Variants in APOOL observed in about 807,000 individuals in gnomAD.
APOOL encodes the protein MICOS complex subunit MIC27.
APOOL carries 12 observed loss-of-function variants against 23.1 expected under a neutral mutation model. That is an observed-to-expected ratio of 0.52 (90% confidence interval 0.33 to 0.84). The LOEUF (loss-of-function observed/expected upper bound fraction) is 0.84. Among genes scored for constraint, APOOL ranks in the 40% least tolerant of loss-of-function variants. The pLI is 0.02. For missense variants in APOOL, 212 were observed against 199.6 expected (o/e 1.06, Z -0.37); for synonymous variants, 77 against 69.9 (o/e 1.10, Z -0.51).
At chrX:85,082,210 C>A (rs1172351130) in intron 8 of APOOL, among the ~76,000 whole-genome samples, 3 of 111,888 alleles carry the variant, frequency 2.7e-5, no homozygotes, top group Admixed American at 9.5e-5. Context: ...ACTCTGGTTT[C>A]TCCCCATCTT....
At chrX:85,071,029 C>A (rs1230345431) in intron 6 of APOOL, among the ~76,000 whole-genome samples, 3 of 111,388 alleles carry the variant, frequency 2.7e-5, no homozygotes, top group Non-Finnish European at 5.6e-5. Context: ...GCATGGATAA[C>A]CCAGAGGACA....
intron 2 of APOOL, among the ~76,000 whole-genome samples, chrX:85,048,006 G>A (rs1223928582): frequency 1.8e-5 from 2 of 111,301 alleles, no homozygotes; most frequent in Admixed American, 9.6e-5. Flanking sequence ...ATTGTAATCA[G>A]TACTTGTTGA....
intron 5 of APOOL, among the ~76,000 whole-genome samples, chrX:85,064,462 T>C (rs1923372742): frequency 9.1e-6 from 1 of 109,400 alleles, no homozygotes; most frequent in Non-Finnish European, 1.9e-5. Context: ...GTTATTTTAG[T>C]TGTCATGTTA....
At chrX:85,060,913 C>G (rs1489212667) in intron 5 of APOOL, among the ~76,000 whole-genome samples, 2 of 111,270 alleles carry the variant, frequency 1.8e-5, no homozygotes, top group African/African-American at 6.6e-5. Context: ...ACTTCCAACA[C>G]TGTGTTGAAC....
chrX:85,074,481 C>G, intron 8 of APOOL, 90 bp downstream of exon 8: 1 of 1,006,980 alleles, frequency 9.9e-7, no homozygotes, highest in Admixed American at 2.9e-5. Flanking sequence ...AAGATGTGTT[C>G]TCCCCATAAA....
chrX:85,014,561 C>T (rs1398796924), intron 1 of APOOL, among the ~76,000 whole-genome samples: 3 of 54,747 alleles, frequency 5.5e-5, no homozygotes, highest in African/African-American at 1.6e-4. Flanking sequence ...ACGACTTTAT[C>T]TCTCCTTTAT....
chrX:85,017,747 C>T (rs1050270189), intron 1 of APOOL, among the ~76,000 whole-genome samples: 2 of 111,349 alleles, frequency 1.8e-5, no homozygotes, highest in East Asian at 5.7e-4. Context: ...ATATTTCATG[C>T]GGCTCCTGAA....
At chrX:85,068,455 G>C (rs1923548150) in intron 6 of APOOL, among the ~76,000 whole-genome samples, 1 of 102,694 alleles carries the variant, frequency 9.7e-6, no homozygotes, top group Admixed American at 1.1e-4. Context: ...ACCCAGGCTG[G>C]AGTGCAATGG....
At chrX:85,024,012 G>T (rs1314931377) in intron 1 of APOOL, among the ~76,000 whole-genome samples, 1 of 111,820 alleles carries the variant, frequency 8.9e-6, no homozygotes, top group African/African-American at 3.3e-5. Context: ...CTTACTCGGT[G>T]AAGTCTATTT....
intron 2 of APOOL, among the ~76,000 whole-genome samples, chrX:85,047,951 A>G (rs188744973): frequency 9.0e-6 from 1 of 111,415 alleles, no homozygotes; most frequent in African/African-American, 3.2e-5. Context: ...TAAATGTAAA[A>G]TTTTCATAAA....
At chrX:85,049,326 C>T (rs745329433) in intron 2 of APOOL, among the ~76,000 whole-genome samples, 20 of 111,568 alleles carry the variant, frequency 1.8e-4, no homozygotes, top group African/African-American at 6.2e-4. Context: ...GAAATCCTAT[C>T]ATCATAAACG....
Position 85,090,989 on chromosome X carries a change from C to T in APOOL, c.*3311C>T, listed in dbSNP as rs1321537402. On this transcript the variant is annotated 3_prime_UTR_variant, in exon 9 of 9. Transcript: ENST00000373173. ...GTATGGTGGCTCACACCTATAATCC[C>T]AGCACTTTGGGAGGCCAAGGTGGGT... 2 of 112,157 alleles carry T rather than the reference C, an allele frequency of 1.8e-5. No individual in the cohort carries two copies. Among genetic ancestry groups the T allele is most frequent in the African/African-American group, 3.2e-5 (1 of 30,833 alleles). 9.2% of individuals were successfully genotyped at this position (112,157 alleles called of 1,213,427 possible). A position where few individuals can be genotyped will look rare whatever the true frequency, so the allele number is the denominator to read the frequency against.
intron 1 of APOOL, among the ~76,000 whole-genome samples, chrX:85,021,754 A>G (rs966760995): frequency 8.9e-5 from 10 of 112,158 alleles, no homozygotes; most frequent in African/African-American, 3.2e-4. Flanking sequence ...AATAATAAAG[A>G]TCAGAGCACA....
intron 1 of APOOL, among the ~76,000 whole-genome samples, chrX:85,016,012 G>A (rs187958952): frequency 1.4e-3 from 151 of 110,853 alleles, no homozygotes; most frequent in African/African-American, 4.6e-3. Context: ...TGTGGTGTGT[G>A]GGTGAGTTCA....
chrX:85,022,308 C>A (rs1338334645), intron 1 of APOOL, among the ~76,000 whole-genome samples: 1 of 112,016 alleles, frequency 8.9e-6, no homozygotes, highest in Non-Finnish European at 1.9e-5. Flanking sequence ...GGTCAGTATT[C>A]CTGATGAACT....
intron 8 of APOOL, among the ~76,000 whole-genome samples, chrX:85,083,676 A>G (rs1924189721): frequency 8.9e-6 from 1 of 111,955 alleles, no homozygotes; most frequent in Non-Finnish European, 1.9e-5. Context: ...TTTTATATAC[A>G]AGAAACCAAA....
chrX:85,038,858 C>CT (rs959099046), intron 1 of APOOL, among the ~76,000 whole-genome samples: 2 of 109,409 alleles, frequency 1.8e-5, no homozygotes, highest in East Asian at 2.9e-4. Context: ...AAAAAACCAA[C>CT]TTTTTTTTAT....
chrX:85,079,928 G>C (rs1924022144), intron 8 of APOOL, among the ~76,000 whole-genome samples: 1 of 111,456 alleles, frequency 9.0e-6, no homozygotes, highest in African/African-American at 3.3e-5. Flanking sequence ...TGTGGGATTG[G>C]TGGTGATATC....
chrX:85,072,253 A>C (rs772110100), intron 6 of APOOL, among the ~76,000 whole-genome samples: 1 of 112,605 alleles, frequency 8.9e-6, no homozygotes, highest in South Asian at 3.7e-4. Context: ...ATCAACAAAT[A>C]AATGCAAATT....
Sources: gnomAD v4.1 joint callset for allele counts (sites outside exome capture counted in the v4.1 genomes callset) on GRCh38, gnomAD v4.1.1 for gene constraint, MANE v1.5 for transcripts, NCBI Gene and HGNC (gene_info 2026-07-23, HGNC 2026-07-21) for gene names.